Variants in ADAM22 observed in about 807,000 individuals in gnomAD.
The protein encoded by ADAM22 is disintegrin and metalloproteinase domain-containing protein 22.
Under a neutral mutation model 144.6 loss-of-function variants are expected in ADAM22, and 65 were observed. The observed-to-expected ratio is 0.45, with a 90% CI of 0.37 to 0.55. The LOEUF is 0.55. Among genes scored for constraint, ADAM22 ranks in the 20% least tolerant of loss-of-function variants. ADAM22 has a pLI of 0.00. For missense variants in ADAM22, 974 were observed against 1,184.9 expected, an observed-to-expected ratio of 0.82 and a Z score of 2.61; for synonymous variants, 391 against 412.6, an observed-to-expected ratio of 0.95 and a Z score of 0.63.
intron 3 of ADAM22, among the ~76,000 whole-genome samples, chr7:87,984,286 G>A (rs1221273564): frequency 6.6e-6 from 1 of 152,010 alleles, no homozygotes; most frequent in South Asian, 2.1e-4. Context: ...CTGCTCTGCC[G>A]GGCAGTTTCC....
At chr7:88,186,762 A>G in intron 30 of ADAM22, 61 bp downstream of exon 30, 1 of 1,034,598 alleles carries the variant, frequency 9.7e-7, no homozygotes, top group Non-Finnish European at 1.5e-6. Flanking sequence ...CAAATACTGT[A>G]GTGTGACTGG....
Position 88,193,166 on chromosome 7 carries a change from C to T in ADAM22, c.2801C>T (p.Ser934Phe), listed in dbSNP as rs201785658. The change falls in exon 31 of 32, where the codon TCC becomes TTC. Residue 934 changes from serine (S) to phenylalanine (F), a missense_variant. Ser to Phe is a radical substitution (Grantham distance 155). Transcript: ENST00000413139. ...SPSSSTGSIA[S>F]SRKYPYPMPP... ...TCTTCATCAACTGGGTCTATTGCCT[C>T]CAGCAGAAAATACCCTTACCCAATG... 1 of 1,614,102 alleles carries T rather than the reference C, an allele frequency of 6.2e-7. No individual in the cohort carries two copies. Among genetic ancestry groups the T allele is most frequent in the East Asian group, 2.2e-5 (1 of 44,866 alleles).
At chr7:88,150,935 T>C (rs971522810) in intron 18 of ADAM22, 46 bp from the exon 19 acceptor site, 6 of 1,482,630 alleles carry the variant, frequency 4.0e-6, no homozygotes, top group African/African-American at 2.8e-5. Context: ...AGCTCAGCCT[T>C]ATATTTTGCA....
intron 28 of ADAM22, 43 bp downstream of exon 28, chr7:88,181,648 T>A: frequency 6.6e-7 from 1 of 1,524,034 alleles, no homozygotes; most frequent in Non-Finnish European, 9.1e-7. Flanking sequence ...CATAATCAAG[T>A]TCTATATTCT....
chr7:87,935,103 C>G lies in ADAM22; in HGVS notation c.163C>G (p.Leu55Val). ...VERQSIVPLR[L>V]IYRSGGEDES... ...GCGCCAGAGCATCGTGCCACTGCGC[C>G]TCATCTACCGCTCGGGCGGCGAAGA... The change falls in exon 2 of 32, where the codon CTC becomes GTC. Residue 55 changes from leucine (L) to valine (V), a missense_variant. Leu to Val is a conservative substitution (Grantham distance 32, BLOSUM62 1). Transcript: ENST00000413139. The G allele has an allele frequency of 6.2e-7, 1 of 1,614,030 alleles. No individual in the cohort carries two copies. Among genetic ancestry groups the G allele is most frequent in the East Asian group, 2.2e-5 (1 of 44,840 alleles).
chr7:88,189,058 G>A (rs1172024543), intron 30 of ADAM22, among the ~76,000 whole-genome samples: 1 of 152,174 alleles, frequency 6.6e-6, no homozygotes, highest in Non-Finnish European at 1.5e-5. Context: ...TTAAAATATA[G>A]TGGCCACACT....
intron 31 of ADAM22, among the ~76,000 whole-genome samples, chr7:88,195,825 T>C (rs1041337457): frequency 6.6e-6 from 1 of 152,184 alleles, no homozygotes; most frequent in Non-Finnish European, 1.5e-5. Flanking sequence ...CTGAGAGAAC[T>C]ATTTTTTAAG....
At chr7:88,040,717 C>T (rs1172535545) in intron 3 of ADAM22, among the ~76,000 whole-genome samples, 1 of 151,694 alleles carries the variant, frequency 6.6e-6, no homozygotes, top group Admixed American at 6.6e-5. Flanking sequence ...TTCAGATGAG[C>T]TGGGTCTCTG....
chr7:88,160,636 A>G (rs1179382600), intron 22 of ADAM22, among the ~76,000 whole-genome samples: 1 of 152,098 alleles, frequency 6.6e-6, no homozygotes, highest in Non-Finnish European at 1.5e-5. Context: ...AAGGATTATA[A>G]ATCATGCTGC....
chr7:88,120,490 G>A (rs1468623758), intron 7 of ADAM22, among the ~76,000 whole-genome samples: 1 of 152,132 alleles, frequency 6.6e-6, no homozygotes. Flanking sequence ...TCCACATCTT[G>A]ACCAACATTT....
At chr7:88,082,814 C>T (rs1257276238) in intron 4 of ADAM22, among the ~76,000 whole-genome samples, 4 of 151,798 alleles carry the variant, frequency 2.6e-5, no homozygotes, top group African/African-American at 4.8e-5. Flanking sequence ...GTTAGAATGG[C>T]GATCATTAAA....
At chr7:88,112,577 T>C (rs1345374868) in intron 5 of ADAM22, among the ~76,000 whole-genome samples, 2 of 152,204 alleles carry the variant, frequency 1.3e-5, no homozygotes, top group Non-Finnish European at 2.9e-5. Context: ...AAAAGGATCA[T>C]GTTCTTCTAA....
intron 18 of ADAM22, among the ~76,000 whole-genome samples, 159 bp from the exon 19 acceptor site, chr7:88,150,821 CA>C (rs1271258688): frequency 3.7e-4 from 56 of 152,190 alleles, no homozygotes; most frequent in African/African-American, 1.1e-3. Context: ...ACTTCAAGGA[CA>C]TCCACTTGCT....
intron 2 of ADAM22, among the ~76,000 whole-genome samples, chr7:87,962,296 T>C (rs770860599): frequency 1.3e-5 from 2 of 152,254 alleles, no homozygotes; most frequent in Non-Finnish European, 1.5e-5. Context: ...AAATAACTTT[T>C]GTTCATGTTA....
Position 88,193,105 on chromosome 7 carries a change from C to T in ADAM22, c.2751-11C>T. 6.2e-7 allele frequency: 1 copy of T among 1,613,718 alleles called. No individual in the cohort carries two copies. The highest frequency in any genetic ancestry group is 8.5e-7 in the Non-Finnish European group (1 of 1,179,796). ...TCACATGATACTTAATTCATGTTCT[C>T]AACATCTCAGGACTTTATCTCCTGC... On this transcript the variant is annotated splice_polypyrimidine_tract_variant and intron_variant, in intron 30 of 31. Coordinates refer to ENST00000413139, the MANE Select transcript of ADAM22 (RefSeq NM_001324418.2).
chr7:88,057,680 A>G (rs1299021519), intron 3 of ADAM22, among the ~76,000 whole-genome samples: 1 of 152,238 alleles, frequency 6.6e-6, no homozygotes, highest in African/African-American at 2.4e-5. Context: ...TAGTTTGTCT[A>G]GGTGTGATTA....
rs1838354436 is a variant in ADAM22 at position 88,151,432 on chromosome 7, A to G, written c.1681+112A>G. The G allele has an allele frequency of 4.1e-6, 5 of 1,216,162 alleles. No homozygotes were observed. The Admixed American group carries it at 5.5e-5, about 13-fold the overall frequency. The allele number at this position is 1,216,162 out of a possible 1,614,324, so 75.3% of individuals were successfully genotyped here. A position where few individuals can be genotyped will look rare whatever the true frequency, so the allele number is the denominator to read the frequency against. ...ACTACTTTATGACTGGGGGATTCTC[A>G]AAGCTACCACAGGTCTTAGCAGGGG... On this transcript the variant is annotated intron_variant, in intron 20 of 31. Coordinates refer to ENST00000413139, the MANE Select transcript of ADAM22 (RefSeq NM_001324418.2).
intron 2 of ADAM22, among the ~76,000 whole-genome samples, chr7:87,938,314 G>A (rs1302133345): frequency 1.4e-5 from 2 of 145,784 alleles, no homozygotes; most frequent in Non-Finnish European, 3.0e-5. Flanking sequence ...CACCTCCTGG[G>A]TTCAAGCGAT....
intron 3 of ADAM22, among the ~76,000 whole-genome samples, chr7:88,049,450 G>A (rs1336675008): frequency 6.6e-6 from 1 of 152,110 alleles, no homozygotes; most frequent in Non-Finnish European, 1.5e-5. Flanking sequence ...CCAGGCTGGA[G>A]TGCAGTGGCA....
Sources: gnomAD v4.1 joint callset for allele counts (sites outside exome capture counted in the v4.1 genomes callset) on GRCh38, gnomAD v4.1.1 for gene constraint, MANE v1.5 for transcripts, NCBI Gene and HGNC (gene_info 2026-07-23, HGNC 2026-07-21) for gene names.